ERICH1: variants seen among roughly 807,000 people sequenced by gnomAD.
ERICH1 encodes glutamate rich 1.
ERICH1 carries 56 observed loss-of-function variants against 39.6 expected under a neutral mutation model. The observed-to-expected ratio is 1.41, with a 90% CI of 1.14 to 1.77. The LOEUF is 1.77. Ranked by LOEUF, ERICH1 falls within the 40% of genes most tolerant of loss-of-function variation. The pLI, the probability that ERICH1 is intolerant of heterozygous loss-of-function variation, is 0.00. For synonymous variants in ERICH1, 313 were observed against 223.6 expected, an observed-to-expected ratio of 1.40 and a Z score of -3.57; for missense variants, 826 against 575.4, an observed-to-expected ratio of 1.44 and a Z score of -4.45.
intron 3 of ERICH1, among the ~76,000 whole-genome samples, chr8:620,742 T>C (rs1394948050): frequency 6.6e-6 from 1 of 152,138 alleles, no homozygotes; most frequent in African/African-American, 2.4e-5. Flanking sequence ...ATAACAATTA[T>C]AAACCCATAT....
At chr8:630,294 T>G (rs181945823) in intron 3 of ERICH1, among the ~76,000 whole-genome samples, 9 of 97,114 alleles carry the variant, frequency 9.3e-5, no homozygotes, top group African/African-American at 3.7e-4. Context: ...ACTCACACCC[T>G]CCTGTGACCA....
rs199938247 is a variant in ERICH1, at chr8:688,552, C to T, written c.304+3926G>A. ...TTAGGCCTGAGCACACCGCCCAACA[C>T]AAGCGTTTAAAAAGCATTTGATTCA... On this transcript the variant is annotated intron_variant, in intron 3 of 5. Transcript: ENST00000262109. Among the ~76,000 whole-genome samples, 6 of 152,180 alleles carry T rather than the reference C, an allele frequency of 3.9e-5. No individual in the cohort carries two copies. The East Asian group carries it at 1.2e-3, about 29-fold the overall frequency.
At chr8:636,576 C>G (rs1798458919) in intron 3 of ERICH1, among the ~76,000 whole-genome samples, 1 of 152,246 alleles carries the variant, frequency 6.6e-6, no homozygotes, top group South Asian at 2.1e-4. Context: ...AAGCCCTCCA[C>G]TTACCCTCAG....
At chr8:697,931 G>A (rs1249991877) in intron 2 of ERICH1, among the ~76,000 whole-genome samples, 8 of 152,010 alleles carry the variant, frequency 5.3e-5, no homozygotes, top group Non-Finnish European at 1.0e-4. Context: ...GGGGAATGAG[G>A]CAGCTGCCTG....
chr8:634,802 G>C (rs527939097), intron 3 of ERICH1, among the ~76,000 whole-genome samples: 2 of 152,356 alleles, frequency 1.3e-5, no homozygotes, highest in South Asian at 4.1e-4. Context: ...AGCAGCCCAG[G>C]TCAAGCATCA....
chr8:632,149 A>G (rs11997732), intron 3 of ERICH1, among the ~76,000 whole-genome samples: 2,150 of 152,324 alleles, frequency 0.014, 49 homozygotes, highest in African/African-American at 0.048. Flanking sequence ...GGATAAATGA[A>G]TAAGGGAGGC....
intron 3 of ERICH1, among the ~76,000 whole-genome samples, chr8:688,904 G>C (rs908568730): frequency 3.3e-5 from 5 of 152,184 alleles, no homozygotes; most frequent in African/African-American, 1.2e-4. Flanking sequence ...CCTTTCACCT[G>C]GAGTTTTACA....
At chr8:730,918 G>A (rs1457041733) in intron 1 of ERICH1, among the ~76,000 whole-genome samples, 1 of 152,226 alleles carries the variant, frequency 6.6e-6, no homozygotes, top group South Asian at 2.1e-4. Flanking sequence ...GGCAGGGCCG[G>A]CCCGACCAGC....
chr8:716,230 G>A (rs1815964106), intron 1 of ERICH1, among the ~76,000 whole-genome samples: 1 of 152,228 alleles, frequency 6.6e-6, no homozygotes, highest in African/African-American at 2.4e-5. Context: ...CCACCATCCT[G>A]CCATCAGCTG....
intron 3 of ERICH1, chr8:627,048 G>C (rs1458263966): frequency 2.2e-6 from 1 of 449,534 alleles, no homozygotes; most frequent in Non-Finnish European, 4.5e-6. Context: ...TCTCCTCGGA[G>C]GGCCAGGCTT....
chr8:691,783 TTATAA>T (rs1808963529), intron 3 of ERICH1, among the ~76,000 whole-genome samples: 1 of 152,212 alleles, frequency 6.6e-6, no homozygotes, highest in Non-Finnish European at 1.5e-5. Flanking sequence ...TAATTAATGT[TTATAA>T]TATAGAGTTT....
chr8:668,742 G>A lies in ERICH1; in HGVS notation c.1114C>T (p.Leu372=), dbSNP rs1802687010. The change falls in exon 5 of 6, where the codon CTG becomes TTG. Residue 372 remains leucine, a synonymous_variant. Coordinates refer to ENST00000262109, the MANE Select transcript of ERICH1 (RefSeq NM_207332.3). The part of the protein sequence containing the change: ...SAALADAAEE[L]LDRLASHSML... ...CTGTGTGACGCAAGGCGGTCCAGCA[G>A]CTCCTCAGCGGCATCTGCGAGGGCA... The A allele has an allele frequency of 6.2e-7, 1 of 1,613,618 alleles. No homozygotes were observed. Among genetic ancestry groups the A allele is most frequent in the South Asian group, 1.1e-5 (1 of 91,064 alleles).
intron 3 of ERICH1, chr8:615,498 G>A: frequency 2.2e-6 from 1 of 447,494 alleles, no homozygotes; most frequent in African/African-American, 2.0e-5. Flanking sequence ...TGGGTGCACT[G>A]ACACCATTCC....
intron 3 of ERICH1, among the ~76,000 whole-genome samples, chr8:644,163 T>C (rs1799335614): frequency 6.6e-6 from 1 of 152,086 alleles, no homozygotes; most frequent in Non-Finnish European, 1.5e-5. Context: ...GGCCCCGTCC[T>C]AAGGCAAGTG....
intron 3 of ERICH1, among the ~76,000 whole-genome samples, chr8:621,207 A>G (rs925871058): frequency 2.0e-5 from 3 of 152,212 alleles, no homozygotes; most frequent in Non-Finnish European, 4.4e-5. Flanking sequence ...GAAATTAGAA[A>G]AAAACTTGAG....
intron 3 of ERICH1, among the ~76,000 whole-genome samples, chr8:691,473 G>T (rs902048148): frequency 5.3e-5 from 8 of 152,236 alleles, no homozygotes; most frequent in African/African-American, 1.9e-4. Flanking sequence ...GGGCGAGAGC[G>T]CCAACCGCGG....
chr8:680,583 G>C (rs112688394), intron 3 of ERICH1, among the ~76,000 whole-genome samples: 3 of 103,544 alleles, frequency 2.9e-5, no homozygotes, highest in Non-Finnish European at 5.8e-5. Context: ...CCGAAAACAC[G>C]GAAAGTCCAA....
chr8:722,958 T>C (rs146475847), intron 1 of ERICH1, among the ~76,000 whole-genome samples: 80 of 152,336 alleles, frequency 5.3e-4, no homozygotes, highest in African/African-American at 1.8e-3. Context: ...ACATACTGAC[T>C]TGGTTTGGAT....
chr8:644,020 G>C (rs79420282), intron 3 of ERICH1, among the ~76,000 whole-genome samples: 119 of 152,318 alleles, frequency 7.8e-4, no homozygotes, highest in African/African-American at 2.8e-3. Flanking sequence ...CTGTGGGCTT[G>C]GTGGGGGCGC....
Sources: gnomAD v4.1 joint callset for allele counts (sites outside exome capture counted in the v4.1 genomes callset) on GRCh38, gnomAD v4.1.1 for gene constraint, MANE v1.5 for transcripts, NCBI Gene and HGNC (gene_info 2026-07-23, HGNC 2026-07-21) for gene names.